The following ZRANB2 variants were observed in gnomAD, a reference collection of about 807,000 sequenced individuals.
ZRANB2 encodes the protein zinc finger RANBP2-type containing 2.
Under a neutral mutation model 53.4 loss-of-function variants are expected in ZRANB2, and 19 were observed. The ratio of observed to expected loss-of-function variants is 0.36; its 90% CI spans 0.25 to 0.52. The LOEUF is 0.52. ZRANB2 is among the 20% of genes least tolerant of loss of function. The pLI is 0.93. For missense variants in ZRANB2, 309 were observed against 401.1 expected (o/e 0.77, Z 1.96); for synonymous variants, 145 against 134.8 (o/e 1.08, Z -0.52).
chr1:71,070,866 G>A lies in ZRANB2; in HGVS notation c.644C>T (p.Ser215Leu). The part of the protein sequence containing the change: ...KSRSSHSRSS[S>L]RSSSPSSSRS... ...TGAACTTGAGGGGGAGGATGAGCGT[G>A]ATGAAGATCGTGAATGTGAAGATCG... The change falls in exon 7 of 10, where the codon TCA (serine) becomes TTA (leucine). Residue 215 changes from serine (S) to leucine (L), a missense_variant. Physicochemically the swap from Ser to Leu is moderately radical, Grantham distance 145. This residue lies in a region of ZRANB2 where 211 missense variants were observed against 196.1 expected (regional missense o/e 1.08). Transcript: ENST00000370920. 1.2e-6 allele frequency: 2 copies of A among 1,608,598 alleles called. No individual in the cohort carries two copies. The highest frequency in any genetic ancestry group is 2.2e-5 in the South Asian group (2 of 90,478).
chr1:71,066,731 A>C (rs780818265), intron 9 of ZRANB2, 45 bp downstream of exon 9: 3 of 1,582,322 alleles, frequency 1.9e-6, no homozygotes, highest in Non-Finnish European at 2.6e-6. Context: ...TTATCTATTA[A>C]ACACACTTAA....
At chr1:71,072,640 T>A in intron 4 of ZRANB2, 92 bp from the exon 5 acceptor site, 1 of 902,076 alleles carries the variant, frequency 1.1e-6, no homozygotes, top group Non-Finnish European at 1.7e-6. Flanking sequence ...AAAAAACATC[T>A]AATCAACAAT....
rs573492358 is a variant in ZRANB2 at position 71,066,516 on chromosome 1, G to A, written c.929+260C>T. The A allele has an allele frequency of 4.5e-5, 14 of 309,276 alleles. No individual in the cohort carries two copies. In the Admixed American group the frequency reaches 4.5e-4, roughly 10 times the overall value. 19.2% of individuals were successfully genotyped at this position (309,276 alleles called of 1,614,324 possible). On this transcript the variant is annotated intron_variant, in intron 9 of 9. Coordinates refer to ENST00000370920, the MANE Select transcript of ZRANB2 (RefSeq NM_203350.3). ...GCAATCTCAAAAGACAGAAATAACC[G>A]AGAGTTGGCTATAAAAATTATAAAT... is the stretch of plus-strand genomic sequence containing the variant.
At chr1:71,069,183 A>G (rs1661539135) in intron 8 of ZRANB2, 93 bp downstream of exon 8, 2 of 1,019,142 alleles carry the variant, frequency 2.0e-6, no homozygotes, top group Non-Finnish European at 2.9e-6. Context: ...ATCGACAAGT[A>G]GAAGCAAAAT....
At chr1:71,074,337 TTAG>T (rs1661659775) in intron 4 of ZRANB2, among the ~76,000 whole-genome samples, 1 of 152,166 alleles carries the variant, frequency 6.6e-6, no homozygotes, top group South Asian at 2.1e-4. Flanking sequence ...TCCGTAGATT[TTAG>T]TAAGTCTTAC....
intron 6 of ZRANB2, among the ~76,000 whole-genome samples, chr1:71,071,689 C>G (rs902182860): frequency 6.6e-6 from 1 of 152,042 alleles, no homozygotes; most frequent in African/African-American, 2.4e-5. Context: ...TTAGGGAACC[C>G]GTATTTGCTG....
At chr1:71,066,725 C>G in intron 9 of ZRANB2, 51 bp downstream of exon 9, 1 of 1,554,664 alleles carries the variant, frequency 6.4e-7, no homozygotes, top group Non-Finnish European at 8.7e-7. Context: ...TTTACTTTAT[C>G]TATTAAACAC....
At chr1:71,077,747 T>C (rs1661739359) in intron 3 of ZRANB2, among the ~76,000 whole-genome samples, 1 of 152,094 alleles carries the variant, frequency 6.6e-6, no homozygotes, top group Non-Finnish European at 1.5e-5. Context: ...TCCCAGTTAC[T>C]AAGGAGGCTG....
chr1:71,066,854 T>C lies in ZRANB2; in HGVS notation c.851A>G (p.Asn284Ser). Residue 284 changes from asparagine (N) to serine (S), a missense_variant, in exon 9 of 10, where the codon AAC (asparagine) becomes AGC (serine). Physicochemically the swap from Asn to Ser is conservative, Grantham distance 46. This residue lies in a region of ZRANB2 where 211 missense variants were observed against 196.1 expected (regional missense o/e 1.08). Coordinates refer to ENST00000370920, the MANE Select transcript of ZRANB2 (RefSeq NM_203350.3). ...YSSSSSSPER[N>S]RKRSRSRSSS... ...AGATCTAGAACGACTTCTCTTTCTG[T>C]TCCTCTCAGGAGAAGATGATGAACT... 6.2e-7 allele frequency: 1 copy of C among 1,612,704 alleles called. No homozygotes were observed. The highest frequency in any genetic ancestry group is 8.5e-7 in the Non-Finnish European group (1 of 1,179,580).
At chr1:71,069,901 C>T (rs1472141553) in intron 7 of ZRANB2, among the ~76,000 whole-genome samples, 1 of 152,042 alleles carries the variant, frequency 6.6e-6, no homozygotes, top group Non-Finnish European at 1.5e-5. Flanking sequence ...AAATATGACA[C>T]AAGGGAGACA....
In ZRANB2 at chr1:71,070,821, G is replaced by T; in HGVS notation, c.683+6C>A. ...CTGGTGTTACCCTTGACCTGTACCC[G>T]TTTACCTGGACCTAGACCTTGAACT... On this transcript the variant is annotated splice_donor_region_variant and intron_variant, in intron 7 of 9. Transcript: ENST00000370920. 4 of 1,540,006 alleles carry T rather than the reference G, an allele frequency of 2.6e-6. No individual in the cohort carries two copies. The highest frequency in any genetic ancestry group is 3.5e-6 in the Non-Finnish European group (4 of 1,141,524).
At chr1:71,068,754 TTTC>T (rs1661522378) in intron 8 of ZRANB2, among the ~76,000 whole-genome samples, 1 of 152,066 alleles carries the variant, frequency 6.6e-6, no homozygotes, top group African/African-American at 2.4e-5. Flanking sequence ...GAAGAAAATT[TTTC>T]TTTTTATTTA....
chr1:71,080,154 T>C (rs935831423), intron 1 of ZRANB2, among the ~76,000 whole-genome samples: 1 of 152,196 alleles, frequency 6.6e-6, no homozygotes, highest in Non-Finnish European at 1.5e-5. Flanking sequence ...ACATGAGTTG[T>C]ACATTAAATT....
At chr1:71,076,417 AGAAG>A (rs1661711722) in intron 4 of ZRANB2, among the ~76,000 whole-genome samples, 1 of 152,228 alleles carries the variant, frequency 6.6e-6, no homozygotes, top group African/African-American at 2.4e-5. Flanking sequence ...CCAAAGCTTT[AGAAG>A]AACACTTTAA....
rs1236124003 is a variant in ZRANB2, at chr1:71,069,305, T to C, written c.741A>G (p.Glu247=). The C allele has an allele frequency of 6.2e-7, 1 of 1,612,618 alleles. No individual in the cohort carries two copies. Among genetic ancestry groups the C allele is most frequent in the African/African-American group, 1.3e-5 (1 of 74,736 alleles). Residue 247 remains glutamate (E), a synonymous_variant, in exon 8 of 10, where the codon GAA becomes GAG. Coordinates refer to ENST00000370920, the MANE Select transcript of ZRANB2 (RefSeq NM_203350.3). ...SQSRSRSSSR[E]RSRSRGSKSR... is the part of the protein sequence containing the mutation. ...ATTTCGACCCACGAGATCTCGAACG[T>C]TCTCTGGAACTGGAACGAGATCTTG... is the stretch of plus-strand genomic sequence containing the variant.
At chr1:71,076,316 CA>C (rs1368881120) in intron 4 of ZRANB2, among the ~76,000 whole-genome samples, 1 of 152,138 alleles carries the variant, frequency 6.6e-6, no homozygotes, top group African/African-American at 2.4e-5. Context: ...AACCCACCGC[CA>C]AATAACTTTA....
At chr1:71,065,599 A>C in intron 9 of ZRANB2, 2 of 1,492,508 alleles carry the variant, frequency 1.3e-6, no homozygotes, top group Non-Finnish European at 1.8e-6. Context: ...AGTTTTGGAA[A>C]TCTAGGTCAC....
At chr1:71,071,507 T>C (rs1421806346) in intron 6 of ZRANB2, among the ~76,000 whole-genome samples, 2 of 152,194 alleles carry the variant, frequency 1.3e-5, no homozygotes, top group Non-Finnish European at 2.9e-5. Flanking sequence ...AGACCTCTTA[T>C]GATCAGGCTC....
At position 71,081,032 on chromosome 1, in the gene ZRANB2, C is replaced by T. The variant is rs773344195; in HGVS notation, c.-37G>A. ...CCAGCACAGCCACCCGCAGCTATGT[C>T]TTCACAGGAGGAAAACGGGCCGGGG... is the stretch of plus-strand genomic sequence containing the variant. On this transcript the variant is annotated 5_prime_UTR_variant, in exon 1 of 10. Transcript: ENST00000370920. The T allele has an allele frequency of 6.2e-6, 10 of 1,613,850 alleles. No individual in the cohort carries two copies. Among genetic ancestry groups the T allele is most frequent in the African/African-American group, 1.3e-5 (1 of 74,914 alleles).
Sources: allele counts gnomAD v4.1 joint callset (sites outside exome capture counted in the v4.1 genomes callset), GRCh38; gene constraint gnomAD v4.1.1; regional missense constraint gnomAD v4.1.1; transcripts MANE v1.5; gene names NCBI Gene and HGNC (gene_info 2026-07-23, HGNC 2026-07-21).